The following ATP2B1 variants were observed in gnomAD, a reference collection of about 807,000 sequenced individuals.
ATP2B1 encodes the protein ATPase plasma membrane Ca2+ transporting 1.
A neutral mutation model predicts 124.2 loss-of-function variants in ATP2B1; 14 were observed. The observed-to-expected ratio is 0.11, with a 90% confidence interval of 0.07 to 0.18. The LOEUF (loss-of-function observed/expected upper bound fraction) is 0.18, where lower values mean the gene tolerates loss of function less well. ATP2B1 is among the 10% of genes least tolerant of loss of function. The pLI is 1.00. For missense variants in ATP2B1, 763 were observed against 1,466.1 expected (o/e 0.52, Z 7.83); for synonymous variants, 449 against 492.4 (o/e 0.91, Z 1.17).
intron 11 of ATP2B1, 124 bp downstream of exon 11, chr12:89,619,875 A>C (rs1879683703): frequency 7.8e-7 from 1 of 1,275,558 alleles, no homozygotes; most frequent in Non-Finnish European, 1.1e-6. Flanking sequence ...AAATATGCTA[A>C]AAAACTCTGA....
Position 89,598,784 on chromosome 12 carries a change from G to GAC in ATP2B1, c.3351+332_3351+333insGT, listed in dbSNP as rs566194725. 1.1e-3 allele frequency: 1,693 copies of GAC among 1,607,724 alleles called. 9 individuals carry two copies. Among genetic ancestry groups the GAC allele is most frequent in the South Asian group, 3.0e-3 (270 of 90,536 alleles). ...GATTGTGACAGCTTGCTCAGCAAGA[G>GAC]AGAGAGAGAACAAGAGAAAGGACCA... On this transcript the variant is annotated intron_variant, in intron 20 of 20. Transcript: ENST00000428670.
chr12:89,683,231 C>T (rs908983758), intron 1 of ATP2B1, among the ~76,000 whole-genome samples: 1 of 152,134 alleles, frequency 6.6e-6, no homozygotes, highest in Non-Finnish European at 1.5e-5. Context: ...TGTCATATGG[C>T]AATTTTAAAA....
intron 11 of ATP2B1, among the ~76,000 whole-genome samples, chr12:89,617,979 T>G (rs1479679173): frequency 6.6e-6 from 1 of 152,164 alleles, no homozygotes; most frequent in Non-Finnish European, 1.5e-5. Context: ...CCTCAATGTG[T>G]CCACTCCTTT....
In ATP2B1 at chr12:89,686,401, T is replaced by C. The variant is rs1482046311; in HGVS notation, c.-222+22195A>G. On this transcript the variant is annotated intron_variant, in intron 1 of 20. Coordinates refer to ENST00000428670, the MANE Select transcript of ATP2B1 (RefSeq NM_001366521.1). ...CAAATTCCTTTCCTCTCTTCTCCCCTACTACAAGAATGCCAGATACTGATA... is the reference window on the plus strand; with the variant it reads ...CAAATTCCTTTCCTCTCTTCTCCCCCACTACAAGAATGCCAGATACTGATA... Among the ~76,000 whole-genome samples, 46 of 152,114 alleles carry C rather than the reference T, an allele frequency of 3.0e-4. 1 individual carries two copies. The highest frequency in any genetic ancestry group is 3.0e-3 in the Admixed American group (46 of 15,240).
chr12:89,678,745 C>T (rs1888985986), intron 1 of ATP2B1, among the ~76,000 whole-genome samples: 1 of 152,088 alleles, frequency 6.6e-6, no homozygotes, highest in Admixed American at 6.5e-5. Context: ...AAGTCAAAAT[C>T]GTTTTGACAT....
chr12:89,638,340 T>C (rs1883009476), intron 3 of ATP2B1, among the ~76,000 whole-genome samples: 1 of 152,190 alleles, frequency 6.6e-6, no homozygotes, highest in Admixed American at 6.5e-5. Context: ...AGTTGAGCTA[T>C]TCATTGGGTG....
At position 89,603,240 on chromosome 12, in the gene ATP2B1, C is replaced by A; in HGVS notation, c.2863G>T (p.Asp955Tyr). The change falls in exon 18 of 21, where the codon GAC becomes TAC. Residue 955 changes from aspartate (D) to tyrosine (Y), a missense_variant. Around this residue, in one of 7 missense-constraint regions of ATP2B1, gnomAD observed 118 missense variants for 240.3 expected, o/e 0.49. Transcript: ENST00000428670. The surrounding 1 kb of genome is among the most constrained non-coding windows in gnomAD (Gnocchi z 4.3). ...GGAGCATTTCTTCCACTATCAATGT[C>A]AAAAAACTTTTCTCCTGAAAGAATG... ...TLLFAGEKFF[D>Y]IDSGRNAPLH... is the part of the protein sequence containing the mutation. 1 of 1,598,578 alleles carries A rather than the reference C, an allele frequency of 6.3e-7. No individual in the cohort carries two copies. The highest frequency in any genetic ancestry group is 1.1e-5 in the South Asian group (1 of 88,130).
chr12:89,707,739 T>G (rs899631812), intron 1 of ATP2B1, among the ~76,000 whole-genome samples: 4 of 151,504 alleles, frequency 2.6e-5, no homozygotes, highest in African/African-American at 7.3e-5. Flanking sequence ...CGCAGAAAAC[T>G]GGTGAATGAA....
At chr12:89,638,080 AT>A (rs1478592570) in intron 3 of ATP2B1, among the ~76,000 whole-genome samples, 2 of 152,170 alleles carry the variant, frequency 1.3e-5, no homozygotes, top group African/African-American at 4.8e-5. Context: ...ATGATTACAA[AT>A]TTTTAGAGAA....
At chr12:89,700,973 T>C (rs945566800) in intron 1 of ATP2B1, among the ~76,000 whole-genome samples, 1 of 152,234 alleles carries the variant, frequency 6.6e-6, no homozygotes, top group African/African-American at 2.4e-5. Context: ...TAAAGCTATA[T>C]AAATCTTTAG....
intron 1 of ATP2B1, among the ~76,000 whole-genome samples, chr12:89,660,373 A>G (rs1256470521): frequency 6.6e-6 from 1 of 152,256 alleles, no homozygotes; most frequent in South Asian, 2.1e-4. Flanking sequence ...GGCCTCTTAC[A>G]TTTAATTCCC....
chr12:89,678,866 T>C (rs542232163), intron 1 of ATP2B1, among the ~76,000 whole-genome samples: 1 of 152,326 alleles, frequency 6.6e-6, no homozygotes, highest in Non-Finnish European at 1.5e-5. Flanking sequence ...TGGTGGTCAA[T>C]ATGCTAGGCA....
chr12:89,619,149 T>C (rs1261616366), intron 11 of ATP2B1, among the ~76,000 whole-genome samples: 1 of 152,190 alleles, frequency 6.6e-6, no homozygotes, highest in Non-Finnish European at 1.5e-5. Flanking sequence ...GTATTCAAAA[T>C]GACAGGAGAT....
intron 1 of ATP2B1, among the ~76,000 whole-genome samples, chr12:89,695,480 A>G (rs1044678429): frequency 6.6e-6 from 1 of 152,162 alleles, no homozygotes; most frequent in African/African-American, 2.4e-5. Flanking sequence ...AAAAAAAAGA[A>G]AAAAATTCAT....
intron 1 of ATP2B1, among the ~76,000 whole-genome samples, chr12:89,698,848 G>A (rs957156841): frequency 2.0e-5 from 3 of 152,170 alleles, no homozygotes; most frequent in African/African-American, 7.2e-5. Flanking sequence ...TGAAAGCTGG[G>A]TGAGGGAAGA....
chr12:89,588,861 CT>C lies in ATP2B1; in HGVS notation c.*2122del, dbSNP rs746596996. 2.4e-4 allele frequency: 37 copies of C among 152,514 alleles called. No individual in the cohort carries two copies. The highest frequency in any genetic ancestry group is 4.0e-4 in the Non-Finnish European group (27 of 67,998). The allele number at this position is 152,514 out of a possible 1,614,324, so 9.4% of individuals were successfully genotyped here. Reference sequence around the variant, plus strand: ...TTTCCCTTTTCTCTATTCCCTATGCCTTGTGGGCTCTCCAGTTGATAGGGTC... The same window carrying C: ...TTTCCCTTTTCTCTATTCCCTATGCCTGTGGGCTCTCCAGTTGATAGGGTC... On this transcript the variant is annotated 3_prime_UTR_variant, in exon 21 of 21. Coordinates refer to ENST00000428670, the MANE Select transcript of ATP2B1 (RefSeq NM_001366521.1).
At chr12:89,597,003 G>A (rs1874747049) in intron 20 of ATP2B1, among the ~76,000 whole-genome samples, 1 of 152,076 alleles carries the variant, frequency 6.6e-6, no homozygotes, top group South Asian at 2.1e-4. Flanking sequence ...ACTTTCCAGG[G>A]TAGGCTAAGG....
At chr12:89,618,379 G>C (rs972207989) in intron 11 of ATP2B1, among the ~76,000 whole-genome samples, 1 of 152,170 alleles carries the variant, frequency 6.6e-6, no homozygotes, top group Non-Finnish European at 1.5e-5. Context: ...CGCTTTCTCA[G>C]ATGAGAAAAA....
chr12:89,601,931 G>A (rs2135934867), intron 18 of ATP2B1, among the ~76,000 whole-genome samples: 1 of 152,230 alleles, frequency 6.6e-6, no homozygotes, highest in East Asian at 1.9e-4. Context: ...TTAACATTTA[G>A]ACATACTAAG....
Sources: gnomAD v4.1 joint callset for allele counts (sites outside exome capture counted in the v4.1 genomes callset) on GRCh38, gnomAD v4.1.1 for gene constraint, gnomAD v4.1.1 regional missense constraint, Gnocchi (gnomAD v3.1) non-coding constraint, MANE v1.5 for transcripts, NCBI Gene and HGNC (gene_info 2026-07-23, HGNC 2026-07-21) for gene names.